Variants in SPIDR observed in about 807,000 individuals in gnomAD.
SPIDR encodes scaffold protein involved in DNA repair.
A neutral mutation model predicts 104.6 loss-of-function variants in SPIDR; 93 were observed. The observed-to-expected ratio is 0.89, with a 90% CI of 0.75 to 1.06. SPIDR has a LOEUF of 1.06. Among genes scored for constraint, SPIDR ranks in the 50% least tolerant of loss-of-function variants. The probability of loss-of-function intolerance (pLI) is 0.00; values close to 1 mark genes in which losing one functional copy is unlikely to be tolerated. For missense variants in SPIDR, 1,154 were observed against 1,111.2 expected, an observed-to-expected ratio of 1.04 and a Z score of -0.55; for synonymous variants, 431 against 416.9, an observed-to-expected ratio of 1.03 and a Z score of -0.41.
At chr8:47,325,845 A>C (rs7844596) in intron 5 of SPIDR, among the ~76,000 whole-genome samples, 89 of 152,238 alleles carry the variant, frequency 5.8e-4, no homozygotes, top group Middle Eastern at 3.4e-3. Context: ...AGGTTGTTGA[A>C]ATTTTCCTGG....
intron 8 of SPIDR, among the ~76,000 whole-genome samples, chr8:47,569,588 A>C (rs901318611): frequency 2.0e-5 from 3 of 152,182 alleles, no homozygotes. Context: ...AGAATAAGAG[A>C]AGGATATCCA....
At chr8:47,549,609 A>T (rs920030478) in intron 8 of SPIDR, among the ~76,000 whole-genome samples, 2 of 151,942 alleles carry the variant, frequency 1.3e-5, no homozygotes, top group Admixed American at 6.6e-5. Context: ...CCACTTTTTG[A>T]TGGGGTTGTT....
intron 7 of SPIDR, among the ~76,000 whole-genome samples, chr8:47,434,071 GA>G (rs2067840339): frequency 6.6e-6 from 1 of 152,152 alleles, no homozygotes; most frequent in South Asian, 2.1e-4. Context: ...ATTTTTGGGG[GA>G]AAGCTATAAA....
At chr8:47,491,915 G>A (rs2078782490) in intron 8 of SPIDR, among the ~76,000 whole-genome samples, 1 of 152,148 alleles carries the variant, frequency 6.6e-6, no homozygotes, top group Non-Finnish European at 1.5e-5. Context: ...CCTATGCCGA[G>A]GTCTCTAACC....
At chr8:47,733,591 G>A (rs1206470667) in intron 19 of SPIDR, among the ~76,000 whole-genome samples, 3 of 151,952 alleles carry the variant, frequency 2.0e-5, no homozygotes, top group East Asian at 1.9e-4. Flanking sequence ...GGTGTCCAGC[G>A]CATATGCCGC....
intron 8 of SPIDR, among the ~76,000 whole-genome samples, chr8:47,447,335 T>A (rs532059647): frequency 6.6e-6 from 1 of 152,272 alleles, no homozygotes; most frequent in Non-Finnish European, 1.5e-5. Context: ...TGCCTCAGCC[T>A]CCCTAGTAGC....
At chr8:47,364,457 G>A (rs2056798814) in intron 5 of SPIDR, among the ~76,000 whole-genome samples, 1 of 152,178 alleles carries the variant, frequency 6.6e-6, no homozygotes, top group Non-Finnish European at 1.5e-5. Context: ...TTGATGCAGA[G>A]CTTCAATGCA....
chr8:47,657,997 A>C (rs2073171674), intron 10 of SPIDR, among the ~76,000 whole-genome samples: 2 of 140,190 alleles, frequency 1.4e-5, no homozygotes, highest in East Asian at 2.2e-4. Flanking sequence ...GCCACTGCAC[A>C]CCAGCCTGGG....
At chr8:47,724,052 C>T (rs2083842520) in intron 16 of SPIDR, among the ~76,000 whole-genome samples, 1 of 152,082 alleles carries the variant, frequency 6.6e-6, no homozygotes, top group Non-Finnish European at 1.5e-5. Context: ...TAGTATTCTT[C>T]CTTTCTTTAT....
At chr8:47,670,122 T>C (rs1297876246) in intron 10 of SPIDR, among the ~76,000 whole-genome samples, 5 of 152,126 alleles carry the variant, frequency 3.3e-5, no homozygotes, top group Non-Finnish European at 7.4e-5. Context: ...GGTTGTTCTC[T>C]AACAGAAGAG....
chr8:47,547,367 C>A, intron 8 of SPIDR: 1 of 379,942 alleles, frequency 2.6e-6, no homozygotes, highest in Admixed American at 3.1e-5. Context: ...TCAGTTCGAA[C>A]GTTGCCATCA....
At chr8:47,620,089 T>C (rs1190846905) in intron 10 of SPIDR, among the ~76,000 whole-genome samples, 1 of 152,088 alleles carries the variant, frequency 6.6e-6, no homozygotes, top group African/African-American at 2.4e-5. Context: ...AAGCTATTAA[T>C]AGAAAGCGTA....
At chr8:47,417,851 G>C (rs1380287573) in intron 7 of SPIDR, among the ~76,000 whole-genome samples, 9 of 152,108 alleles carry the variant, frequency 5.9e-5, no homozygotes, top group African/African-American at 2.2e-4. Flanking sequence ...TGGCTAGCCA[G>C]TTTTCCCAGC....
chr8:47,544,330 A>T (rs530775997), intron 8 of SPIDR, among the ~76,000 whole-genome samples: 1 of 152,062 alleles, frequency 6.6e-6, no homozygotes, highest in Non-Finnish European at 1.5e-5. Flanking sequence ...TATATTTTTC[A>T]TATCTTCTCA....
At chr8:47,369,412 A>G (rs1480278688) in intron 5 of SPIDR, among the ~76,000 whole-genome samples, 4 of 152,204 alleles carry the variant, frequency 2.6e-5, no homozygotes, top group African/African-American at 7.2e-5. Flanking sequence ...AGTTTCTTCA[A>G]TATTTTCTCA....
intron 11 of SPIDR, among the ~76,000 whole-genome samples, chr8:47,685,621 C>T (rs1290588936): frequency 1.3e-5 from 2 of 149,248 alleles, no homozygotes; most frequent in Non-Finnish European, 3.0e-5. Context: ...TTTTTTTAAT[C>T]TCTGCTCACT....
At chr8:47,315,549 G>A (rs115388814) in intron 5 of SPIDR, among the ~76,000 whole-genome samples, 45 of 152,134 alleles carry the variant, frequency 3.0e-4, no homozygotes, top group African/African-American at 1.0e-3. Context: ...TGATTATAAC[G>A]TTTATATGAA....
chr8:47,312,179 T>C (rs1387059375), intron 5 of SPIDR, among the ~76,000 whole-genome samples: 3 of 152,218 alleles, frequency 2.0e-5, no homozygotes, highest in Non-Finnish European at 4.4e-5. Flanking sequence ...GCAGTAAACA[T>C]AGGTGTGCGT....
In SPIDR at chr8:47,371,014, G is replaced by T. The variant is rs1013806951; in HGVS notation, c.526-25362G>T. Among the ~76,000 whole-genome samples, 3 of 151,466 alleles carry T rather than the reference G, an allele frequency of 2.0e-5. No individual in the cohort carries two copies. The South Asian group carries it at 6.3e-4, about 32-fold the overall frequency. On this transcript the variant is annotated intron_variant, in intron 5 of 19. Transcript: ENST00000297423. Reference sequence around the variant, plus strand: ...TTCTGCCTCTGACCTCCACTGTGCTGGTCACCAAGGACCTACACAAGGTAG... The same window carrying T: ...TTCTGCCTCTGACCTCCACTGTGCTTGTCACCAAGGACCTACACAAGGTAG...
Sources: gnomAD v4.1 joint callset for allele counts (sites outside exome capture counted in the v4.1 genomes callset) on GRCh38, gnomAD v4.1.1 for gene constraint, MANE v1.5 for transcripts, NCBI Gene and HGNC (gene_info 2026-07-23, HGNC 2026-07-21) for gene names.